LNPEP: variants seen among roughly 807,000 people sequenced by gnomAD.
LNPEP encodes leucyl-cystinyl aminopeptidase.
LNPEP carries 64 observed loss-of-function variants against 120.6 expected under a neutral mutation model. The ratio of observed to expected loss-of-function variants is 0.53; its 90% CI spans 0.43 to 0.65. The LOEUF (loss-of-function observed/expected upper bound fraction) is 0.65. Ranked by LOEUF, LNPEP falls within the 30% of genes least tolerant of loss-of-function variation. The pLI is 0.00. For missense variants in LNPEP, 1,057 were observed against 1,200.0 expected (o/e 0.88, Z 1.76); for synonymous variants, 435 against 425.4 (o/e 1.02, Z -0.28).
chr5:96,939,388 A>G (rs1415841072), intron 1 of LNPEP, among the ~76,000 whole-genome samples: 2 of 151,940 alleles, frequency 1.3e-5, no homozygotes, highest in Admixed American at 1.3e-4. Flanking sequence ...TAATTTTTGT[A>G]TTTCTAGTAG....
chr5:97,014,305 T>C (rs1242607728), intron 12 of LNPEP, among the ~76,000 whole-genome samples: 1 of 152,142 alleles, frequency 6.6e-6, no homozygotes, highest in African/African-American at 2.4e-5. Context: ...CATGTAAACA[T>C]ATTCTCTGAA....
rs776988261 is a variant in LNPEP, at chr5:97,026,675, A to G, written c.2782A>G (p.Ile928Val). The G allele has an allele frequency of 8.7e-6, 14 of 1,613,168 alleles. No homozygotes were observed. Among genetic ancestry groups the G allele is most frequent in the Non-Finnish European group, 1.2e-5 (14 of 1,179,120 alleles). ...NFRTQKLSFI[I>V]RTVGRHFPGH... ...CCGAACACAGAAGCTGTCTTTTATC[A>G]TTAGAACAGTGGGTCGACATTTTCC... Residue 928 changes from isoleucine to valine, a missense_variant, in exon 16 of 18, where the codon ATT becomes GTT. Ile to Val is a conservative substitution (Grantham distance 29, BLOSUM62 3). Transcript: ENST00000231368.
At chr5:97,027,014 G>A (rs1322807593) in intron 16 of LNPEP, among the ~76,000 whole-genome samples, 2 of 152,136 alleles carry the variant, frequency 1.3e-5, no homozygotes, top group African/African-American at 4.8e-5. Context: ...GCTCAGCGTG[G>A]CTACAGACTA....
intron 11 of LNPEP, among the ~76,000 whole-genome samples, chr5:97,006,954 C>T (rs1790802791): frequency 6.6e-6 from 1 of 151,946 alleles, no homozygotes; most frequent in Admixed American, 6.6e-5. Flanking sequence ...TTGCAATATG[C>T]CCTGCAGACA....
In LNPEP at chr5:96,979,618, G is replaced by T; in HGVS notation, c.500G>T (p.Arg167Met). The T allele has an allele frequency of 6.2e-7, 1 of 1,614,070 alleles. No individual in the cohort carries two copies. Among genetic ancestry groups the T allele is most frequent in the Non-Finnish European group, 8.5e-7 (1 of 1,179,970 alleles). ...AAATTGTTTCCATGGGCACAGATCA[G>T]GCTTCCCACTGCCGTTGTGCCACTA... ...NGKLFPWAQI[R>M]LPTAVVPLRY... Residue 167 changes from arginine to methionine, a missense_variant, in exon 2 of 18, where the codon AGG becomes ATG. Arg to Met is a moderately conservative substitution (Grantham distance 91, BLOSUM62 -1). Coordinates refer to ENST00000231368, the MANE Select transcript of LNPEP (RefSeq NM_005575.3).
At chr5:96,970,631 C>A (rs1318118805) in intron 1 of LNPEP, among the ~76,000 whole-genome samples, 1 of 151,776 alleles carries the variant, frequency 6.6e-6, no homozygotes, top group African/African-American at 2.4e-5. Flanking sequence ...ATTAAGTGGG[C>A]AATTTTAGTA....
chr5:97,022,437 T>C lies in LNPEP; in HGVS notation c.2514T>C (p.Thr838=), dbSNP rs774712219. The change falls in exon 14 of 18, where the codon ACT becomes ACC. Residue 838 remains threonine (T), a synonymous_variant. Transcript: ENST00000231368. ...ACAACCTGGGGAACTGCTCTACTAC[T>C]GCCATGAAACTGTTTGATGACTGGA... is the stretch of plus-strand genomic sequence containing the variant. ...CTHNLGNCST[T]AMKLFDDWMA... is the part of the protein sequence containing the mutation. 2 of 1,614,060 alleles carry C rather than the reference T, an allele frequency of 1.2e-6. No individual in the cohort carries two copies. Among genetic ancestry groups the C allele is most frequent in the East Asian group, 2.2e-5 (1 of 44,870 alleles).
chr5:96,944,810 C>T (rs943106656), intron 1 of LNPEP, among the ~76,000 whole-genome samples: 2 of 151,824 alleles, frequency 1.3e-5, no homozygotes, highest in South Asian at 4.2e-4. Context: ...GGCCTCAAGT[C>T]ATCACCCACC....
chr5:96,954,629 TATAC>T (rs751356429), intron 1 of LNPEP, among the ~76,000 whole-genome samples: 1,452 of 79,036 alleles, frequency 0.018, 67 homozygotes, highest in Admixed American at 0.021. Flanking sequence ...TATATATATA[TATAC>T]ATATATACAT....
In LNPEP at chr5:97,034,701, G is replaced by C. The variant is rs980430272; in HGVS notation, c.*6168G>C. 1.3e-5 allele frequency: 2 copies of C among 151,958 alleles called. No homozygotes were observed. The highest frequency in any genetic ancestry group is 1.3e-4 in the Admixed American group (2 of 15,226). 9.4% of individuals were successfully genotyped at this position (151,958 alleles called of 1,614,324 possible). On this transcript the variant is annotated 3_prime_UTR_variant, in exon 18 of 18. Coordinates refer to ENST00000231368, the MANE Select transcript of LNPEP (RefSeq NM_005575.3). ...TAATGAGGAGTGGGATTGTTGAGAG[G>C]AAAAGGCAAGATATATAATTTTTTT... is the stretch of plus-strand genomic sequence containing the variant.
rs776206649 is a variant in LNPEP, at chr5:96,936,147, G to A, written c.-9G>A. The A allele has an allele frequency of 2.7e-5, 41 of 1,503,988 alleles. No homozygotes were observed. The African/African-American group carries it at 4.9e-4, about 18-fold the overall frequency. 93.2% of individuals were successfully genotyped at this position (1,503,988 alleles called of 1,614,324 possible). On this transcript the variant is annotated 5_prime_UTR_variant, in exon 1 of 18. Transcript: ENST00000231368. ...CGCTCCGGCTGTAAGGAGCCGCGGC[G>A]GGGGGAAAATGGAGCCCTTCACCAA...
chr5:96,982,747 C>T (rs935893103), intron 2 of LNPEP, among the ~76,000 whole-genome samples: 1 of 151,872 alleles, frequency 6.6e-6, no homozygotes, highest in Non-Finnish European at 1.5e-5. Flanking sequence ...TTACCCAATT[C>T]GATAGCAACA....
At chr5:97,006,580 A>G in intron 11 of LNPEP, 65 bp downstream of exon 11, 1 of 864,954 alleles carries the variant, frequency 1.2e-6, no homozygotes, top group Admixed American at 1.9e-5. Flanking sequence ...CAGAGTGCAT[A>G]TATAAGATTA....
Position 97,013,653 on chromosome 5 carries a change from A to G in LNPEP, c.2041A>G (p.Ile681Val). ...ATTTTTTTGGTTTCCATTAGGTGTC[A>G]TCAATCTTACAGAAGAAGTGCTGTG... is the stretch of plus-strand genomic sequence containing the variant. ...VSLLDKKSGV[I>V]NLTEEVLWVK... The change falls in exon 12 of 18, where the codon ATC becomes GTC. Residue 681 changes from isoleucine to valine, a missense_variant. Physicochemically the swap from Ile to Val is conservative, Grantham distance 29. Coordinates refer to ENST00000231368, the MANE Select transcript of LNPEP (RefSeq NM_005575.3). 1 of 1,526,240 alleles carries G rather than the reference A, an allele frequency of 6.6e-7. No individual in the cohort carries two copies. The highest frequency in any genetic ancestry group is 1.7e-4 in the Middle Eastern group (1 of 5,776). The allele number at this position is 1,526,240 out of a possible 1,614,324, so 94.5% of individuals were successfully genotyped here.
chr5:96,954,974 G>A lies in LNPEP; in HGVS notation c.19+18800G>A, dbSNP rs530606011. ...ATTTTTTGTATTTTTAGTAGAGACGGGGTTTCACCGTGTTAGCCAGGATGG... is the reference window on the plus strand; with the variant it reads ...ATTTTTTGTATTTTTAGTAGAGACGAGGTTTCACCGTGTTAGCCAGGATGG... On this transcript the variant is annotated intron_variant, in intron 1 of 17. Transcript: ENST00000231368. Among the ~76,000 whole-genome samples, 336 of 148,722 alleles carry A rather than the reference G, an allele frequency of 2.3e-3. 2 individuals are homozygous for A. The highest frequency in any genetic ancestry group is 3.7e-3 in the Non-Finnish European group (251 of 67,156).
chr5:96,993,649 T>G (rs1790444597), intron 5 of LNPEP, among the ~76,000 whole-genome samples, 168 bp from the exon 6 acceptor site: 1 of 152,204 alleles, frequency 6.6e-6, no homozygotes, highest in South Asian at 2.1e-4. Context: ...CTTCCTCAGC[T>G]GACATGTGGG....
intron 1 of LNPEP, among the ~76,000 whole-genome samples, chr5:96,971,776 C>T (rs1265774670): frequency 6.6e-6 from 1 of 151,786 alleles, no homozygotes; most frequent in Admixed American, 6.6e-5. Context: ...CTTGATTTCC[C>T]CACGGAGAGT....
rs1561430106 is a variant in LNPEP at position 96,954,727 on chromosome 5, TATATATAC to T, written c.19+18561_19+18568del. On this transcript the variant is annotated intron_variant, in intron 1 of 17. Coordinates refer to ENST00000231368, the MANE Select transcript of LNPEP (RefSeq NM_005575.3). The stretch of plus-strand genomic sequence containing the variant: ...ACATATATACACATATATATACATA[TATATATAC>T]ATATATATATACACATATATATATA... Among the ~76,000 whole-genome samples the T allele has an allele frequency of 2.0e-4, 21 of 107,610 alleles. 1 individual carries two copies. The highest frequency in any genetic ancestry group is 7.6e-4 in the African/African-American group (21 of 27,762). The allele number at this position is 107,610 out of a possible 152,430, so 70.6% of individuals were successfully genotyped here. A position where few individuals can be genotyped will look rare whatever the true frequency, so the allele number is the denominator to read the frequency against.
Position 97,022,292 on chromosome 5 carries a change from C to G in LNPEP, c.2377-8C>G. The stretch of plus-strand genomic sequence containing the variant: ...ATGAAGCCATTATAATCTATTTTGT[C>G]TCTCTAGACTAGGGTATTTAAATTA... On this transcript the variant is annotated splice_region_variant and splice_polypyrimidine_tract_variant and intron_variant, in intron 13 of 17. Transcript: ENST00000231368. 6.6e-7 allele frequency: 1 copy of G among 1,505,264 alleles called. No homozygotes were observed. Among genetic ancestry groups the G allele is most frequent in the Middle Eastern group, 1.8e-4 (1 of 5,700 alleles). The allele number at this position is 1,505,264 out of a possible 1,614,324, so 93.2% of individuals were successfully genotyped here.
Sources: allele counts gnomAD v4.1 joint callset (sites outside exome capture counted in the v4.1 genomes callset), GRCh38; gene constraint gnomAD v4.1.1; transcripts MANE v1.5; gene names NCBI Gene and HGNC (gene_info 2026-07-23, HGNC 2026-07-21).